The following EMX1 variants were observed in gnomAD, a reference collection of about 807,000 sequenced individuals.
The protein encoded by EMX1 is homeobox protein EMX1.
Under a neutral mutation model 20.1 loss-of-function variants are expected in EMX1, and 10 were observed. The observed-to-expected ratio is 0.50, with a 90% CI of 0.31 to 0.84. The LOEUF is 0.84. Among genes scored for constraint, EMX1 ranks in the 40% least tolerant of loss-of-function variants. EMX1 has a pLI of 0.05. For missense variants in EMX1, 424 were observed against 431.9 expected, an observed-to-expected ratio of 0.98 and a Z score of 0.16; for synonymous variants, 250 against 200.4, an observed-to-expected ratio of 1.25 and a Z score of -2.09.
At chr2:72,925,144 G>C (rs908822144) in intron 2 of EMX1, among the ~76,000 whole-genome samples, 10 of 152,182 alleles carry the variant, frequency 6.6e-5, no homozygotes, top group Admixed American at 2.6e-4. Flanking sequence ...CGCGCGCAGA[G>C]CATCTGAGTG....
At position 72,934,073 on chromosome 2, in the gene EMX1, T is replaced by C; in HGVS notation, c.*119T>C. 2 of 1,385,184 alleles carry C rather than the reference T, an allele frequency of 1.4e-6. No homozygotes were observed. Among genetic ancestry groups the C allele is most frequent in the Non-Finnish European group, 1.9e-6 (2 of 1,029,134 alleles). The allele number at this position is 1,385,184 out of a possible 1,614,324, so 85.8% of individuals were successfully genotyped here. On this transcript the variant is annotated 3_prime_UTR_variant, in exon 3 of 3. Transcript: ENST00000258106. ...CAGGCTTTGGGGAGGCCTGGAGTCA[T>C]GGCCCCACAGGGCTTGAAGCCCGGG...
At chr2:72,927,829 C>G (rs1005121150) in intron 2 of EMX1, among the ~76,000 whole-genome samples, 5 of 152,260 alleles carry the variant, frequency 3.3e-5, no homozygotes, top group Non-Finnish European at 7.3e-5. Flanking sequence ...GCACATTTCT[C>G]TTTGCCCATA....
chr2:72,916,598 CG>C (rs755584237), upstream of EMX1: 1 of 657,460 alleles, frequency 1.5e-6, no homozygotes, highest in Non-Finnish European at 2.8e-6. Context: ...GAGTCGTCCG[CG>C]GTTCCGCGGT....
Position 72,917,599 on chromosome 2 carries a change from G to C in EMX1, c.-254G>C, listed in dbSNP as rs978263067. On this transcript the variant is annotated 5_prime_UTR_variant, in exon 1 of 3. Transcript: ENST00000258106. Reference sequence around the variant, plus strand: ...CCGGGGGCTGGGGTCGGTCCCAGCGGGACTCCGAAAGGAGGGAGACGAGCT... The same window carrying C: ...CCGGGGGCTGGGGTCGGTCCCAGCGCGACTCCGAAAGGAGGGAGACGAGCT... 1 of 220,148 alleles carries C rather than the reference G, an allele frequency of 4.5e-6. No homozygotes were observed. Among genetic ancestry groups the C allele is most frequent in the Admixed American group, 5.8e-5 (1 of 17,276 alleles). 13.6% of individuals were successfully genotyped at this position (220,148 alleles called of 1,614,324 possible). A position where few individuals can be genotyped will look rare whatever the true frequency, so the allele number is the denominator to read the frequency against.
intron 2 of EMX1, chr2:72,925,949 G>C (rs1396928510): frequency 1.6e-5 from 16 of 985,230 alleles, no homozygotes; most frequent in Non-Finnish European, 1.8e-5. Flanking sequence ...TTTTAAAAAC[G>C]TTTCAAAGAA....
At chr2:72,916,762 C>T, upstream of EMX1, 1 of 717,424 alleles carries the variant, frequency 1.4e-6, no homozygotes, top group Non-Finnish European at 2.6e-6. Flanking sequence ...CCCGCCGACA[C>T]TTGAGCCCCC....
At chr2:72,924,123 A>G in intron 1 of EMX1, 186 bp from the exon 2 acceptor site, 1 of 692,224 alleles carries the variant, frequency 1.4e-6, no homozygotes, top group Non-Finnish European at 2.5e-6. Context: ...TGCGGAGGGG[A>G]GTGGACTTAG....
chr2:72,924,247 C>G, intron 1 of EMX1, 62 bp from the exon 2 acceptor site: 1 of 1,532,654 alleles, frequency 6.5e-7, no homozygotes, highest in Non-Finnish European at 8.7e-7. Flanking sequence ...TGGGCCCCGG[C>G]TCACGGCGCC....
chr2:72,921,231 A>G (rs575561182), intron 1 of EMX1, among the ~76,000 whole-genome samples: 1 of 152,282 alleles, frequency 6.6e-6, no homozygotes, highest in African/African-American at 2.4e-5. Flanking sequence ...GGCTGTAGAA[A>G]AATCGGAGGG....
rs1447149599 is a variant in EMX1 at position 72,930,823 on chromosome 2, A to G, written c.706-2964A>G. Among the ~76,000 whole-genome samples, 1 of 152,216 alleles carries G rather than the reference A, an allele frequency of 6.6e-6. No individual in the cohort carries two copies. The highest frequency in any genetic ancestry group is 1.5e-5 in the Non-Finnish European group (1 of 68,046). On this transcript the variant is annotated intron_variant, in intron 2 of 2. Transcript: ENST00000258106. The surrounding 1 kb of genome is among the most constrained non-coding windows in gnomAD (Gnocchi z 4.4). Reference sequence around the variant, plus strand: ...TTTTTCCAAGTAAAAAATAACTACCATTATCAATAATCTATTAAGGAAAAT... The same window carrying G: ...TTTTTCCAAGTAAAAAATAACTACCGTTATCAATAATCTATTAAGGAAAAT...
At chr2:72,923,806 T>C (rs1256716690) in intron 1 of EMX1, 1 of 216,112 alleles carries the variant, frequency 4.6e-6, no homozygotes, top group African/African-American at 2.3e-5. Flanking sequence ...CTGCTCCCCT[T>C]ATCACGTTCC....
chr2:72,928,313 G>A (rs750495639), intron 2 of EMX1, among the ~76,000 whole-genome samples: 5 of 152,236 alleles, frequency 3.3e-5, no homozygotes, highest in Non-Finnish European at 7.3e-5. Context: ...CTGGGTCATT[G>A]CAGAGGCTCA....
At chr2:72,927,388 C>T (rs189801386) in intron 2 of EMX1, among the ~76,000 whole-genome samples, 1 of 152,236 alleles carries the variant, frequency 6.6e-6, no homozygotes, top group African/African-American at 2.4e-5. Context: ...GACACAAATT[C>T]CAGGGTTTTT....
intron 2 of EMX1, among the ~76,000 whole-genome samples, chr2:72,929,704 A>G (rs1671254146): frequency 6.6e-6 from 1 of 152,260 alleles, no homozygotes; most frequent in African/African-American, 2.4e-5. Flanking sequence ...TCGTTCATTC[A>G]GAATAGCAGA....
chr2:72,925,831 A>G (rs1166063333), intron 2 of EMX1: 2 of 985,228 alleles, frequency 2.0e-6, no homozygotes, highest in African/African-American at 1.7e-5. Context: ...CTGCTGCCCC[A>G]CTTAATCTAC....
At chr2:72,921,461 C>G (rs1573896028) in intron 1 of EMX1, among the ~76,000 whole-genome samples, 1 of 151,960 alleles carries the variant, frequency 6.6e-6, no homozygotes, top group Non-Finnish European at 1.5e-5. Context: ...TGGTTCAGGC[C>G]TCCTTCCCAC....
At chr2:72,924,560 C>T (rs1045242061) in intron 2 of EMX1, 67 bp downstream of exon 2, 72 of 1,465,622 alleles carry the variant, frequency 4.9e-5, no homozygotes, top group Non-Finnish European at 6.1e-5. Flanking sequence ...TGCGCGGGTG[C>T]AGGAGAGGCC....
rs368093885 is a variant in EMX1, at chr2:72,933,858, C to T, written c.777C>T (p.Ser259=). The change falls in exon 3 of 3, where the codon TCC becomes TCT. Residue 259 remains serine, a synonymous_variant. Transcript: ENST00000258106. ...AGCTGGAGGAGGAAGGGCCTGAGTC[C>T]GAGCAGAAGAAGAAGGGCTCCCATC... ...RQKLEEEGPE[S]EQKKKGSHHI... is the part of the protein sequence containing the mutation. The T allele has an allele frequency of 5.5e-5, 89 of 1,614,136 alleles. No homozygotes were observed. The highest frequency in any genetic ancestry group is 6.2e-5 in the Non-Finnish European group (73 of 1,180,054).
Position 72,930,981 on chromosome 2 carries a change from G to A in EMX1, c.706-2806G>A, listed in dbSNP as rs572706939. 5.4e-4 allele frequency among the ~76,000 whole-genome samples: 82 copies of A among 152,210 alleles called. 1 individual carries two copies. Among genetic ancestry groups the A allele is most frequent in the Admixed American group, 2.0e-3 (30 of 15,290 alleles). On this transcript the variant is annotated intron_variant, in intron 2 of 2. Coordinates refer to ENST00000258106, the MANE Select transcript of EMX1 (RefSeq NM_004097.3). This position sits in a 1 kb window ranked among gnomAD's most constrained non-coding sequence, Gnocchi z 4.4. ...CTGTGCCAGCCTTGTGCATCCTGGC[G>A]TTTCCATTAATGCTATGAAGTCATA...
Sources: allele counts gnomAD v4.1 joint callset (sites outside exome capture counted in the v4.1 genomes callset), GRCh38; gene constraint gnomAD v4.1.1; non-coding constraint Gnocchi (gnomAD v3.1); transcripts MANE v1.5; gene names NCBI Gene and HGNC (gene_info 2026-07-23, HGNC 2026-07-21).